The following MMP16 variants were observed in gnomAD, a reference collection of about 807,000 sequenced individuals.
MMP16 encodes the protein matrix metallopeptidase 16.
MMP16 carries 12 observed loss-of-function variants against 67.8 expected under a neutral mutation model. That is an observed-to-expected ratio of 0.18 (90% CI 0.11 to 0.29). The LOEUF (loss-of-function observed/expected upper bound fraction) is 0.29, where lower values mean the gene tolerates loss of function less well. Ranked by LOEUF, MMP16 falls within the 10% of genes least tolerant of loss-of-function variation. MMP16 has a pLI of 1.00. For synonymous variants in MMP16, 249 were observed against 255.9 expected (o/e 0.97, Z 0.26); for missense variants, 475 against 765.7 (o/e 0.62, Z 4.48).
chr8:88,250,552 A>G (rs1352977526), intron 1 of MMP16, among the ~76,000 whole-genome samples: 1 of 152,056 alleles, frequency 6.6e-6, no homozygotes, highest in Admixed American at 6.6e-5. Flanking sequence ...CTATTAAATC[A>G]GATTGTTTTG....
chr8:88,060,775 C>T (rs190895593), intron 7 of MMP16, among the ~76,000 whole-genome samples: 4 of 152,112 alleles, frequency 2.6e-5, no homozygotes, highest in East Asian at 1.9e-4. Context: ...ACATTATTTT[C>T]GTGTAGCACC....
intron 1 of MMP16, among the ~76,000 whole-genome samples, chr8:88,311,160 A>G (rs1811288287): frequency 1.3e-5 from 2 of 152,242 alleles, no homozygotes; most frequent in Admixed American, 6.6e-5. Context: ...GCTCACTAAT[A>G]TTTATTCTCG....
At chr8:88,116,808 A>G (rs896069477) in intron 5 of MMP16, 90 bp from the exon 6 acceptor site, 80 of 1,169,058 alleles carry the variant, frequency 6.8e-5, no homozygotes, top group Non-Finnish European at 9.5e-5. Context: ...TTATCAGCAG[A>G]AGGCACAGAC....
intron 2 of MMP16, among the ~76,000 whole-genome samples, chr8:88,189,878 A>G (rs1430428665): frequency 2.0e-5 from 3 of 152,156 alleles, no homozygotes; most frequent in African/African-American, 7.2e-5. Context: ...TCTACCACTG[A>G]CCTGTGAGTG....
chr8:88,268,837 T>A (rs4147333), intron 1 of MMP16, among the ~76,000 whole-genome samples: 2 of 145,262 alleles, frequency 1.4e-5, no homozygotes, highest in Non-Finnish European at 3.1e-5. Context: ...CTTTTTTTTT[T>A]AACTTTCTAT....
Position 88,034,079 on chromosome 8 carries a change from A to G in MMP16, c.*7382T>C, listed in dbSNP as rs1808021038. 1 of 151,990 alleles carries G rather than the reference A, an allele frequency of 6.6e-6. No individual in the cohort carries two copies. Among genetic ancestry groups the G allele is most frequent in the Non-Finnish European group, 1.5e-5 (1 of 67,938 alleles). The allele number at this position is 151,990 out of a possible 1,614,324, so 9.4% of individuals were successfully genotyped here. On this transcript the variant is annotated 3_prime_UTR_variant, in exon 10 of 10. Coordinates refer to ENST00000286614, the MANE Select transcript of MMP16 (RefSeq NM_005941.5). ...CTATAAAAAGTTAGAAAAGCCAATG[A>G]GAGAGGTTGGGATGTATGTCAACTT...
At chr8:88,313,216 TG>T (rs1212287122) in intron 1 of MMP16, among the ~76,000 whole-genome samples, 1 of 152,210 alleles carries the variant, frequency 6.6e-6, no homozygotes, top group Admixed American at 6.5e-5. Flanking sequence ...CTCCAGTTTT[TG>T]GGGGCAGCTT....
intron 4 of MMP16, among the ~76,000 whole-genome samples, chr8:88,124,833 G>A (rs1254903247): frequency 6.6e-6 from 1 of 151,926 alleles, no homozygotes; most frequent in Non-Finnish European, 1.5e-5. Context: ...GTCAGGTTCT[G>A]GCGAGGGCTC....
intron 1 of MMP16, among the ~76,000 whole-genome samples, chr8:88,263,728 C>T (rs1423398302): frequency 6.6e-6 from 1 of 152,064 alleles, no homozygotes; most frequent in Non-Finnish European, 1.5e-5. Context: ...ATTAGGCTCA[C>T]CCTAATCACT....
At chr8:88,241,254 T>C (rs1810029136) in intron 1 of MMP16, among the ~76,000 whole-genome samples, 1 of 152,146 alleles carries the variant, frequency 6.6e-6, no homozygotes, top group African/African-American at 2.4e-5. Context: ...AATTTCATTA[T>C]GATTTCTTTA....
At chr8:88,166,223 G>C (rs1808708381) in intron 4 of MMP16, among the ~76,000 whole-genome samples, 1 of 151,856 alleles carries the variant, frequency 6.6e-6, no homozygotes, top group Non-Finnish European at 1.5e-5. Context: ...AACTTATCAA[G>C]GTGAAATTAA....
In MMP16 at chr8:88,164,975, C is replaced by T. The variant is rs541539557; in HGVS notation, c.709+2694G>A. Among the ~76,000 whole-genome samples the T allele has an allele frequency of 1.6e-4, 25 of 151,806 alleles. No individual in the cohort carries two copies. In the South Asian group the frequency reaches 4.6e-3, roughly 28 times the overall value. On this transcript the variant is annotated intron_variant, in intron 4 of 9. Transcript: ENST00000286614. ...TTCTAAGCACTGATCACACTCAAATCAGTGTAAACATTATCACCTCTTGTC... is the reference window on the plus strand; with the variant it reads ...TTCTAAGCACTGATCACACTCAAATTAGTGTAAACATTATCACCTCTTGTC...
In MMP16 at chr8:88,035,927, T is replaced by C. The variant is rs1808048230; in HGVS notation, c.*5534A>G. The C allele has an allele frequency of 1.3e-5, 2 of 151,960 alleles. No individual in the cohort carries two copies. The highest frequency in any genetic ancestry group is 4.1e-4 in the South Asian group (2 of 4,836). 9.4% of individuals were successfully genotyped at this position (151,960 alleles called of 1,614,324 possible). On this transcript the variant is annotated 3_prime_UTR_variant, in exon 10 of 10. Coordinates refer to ENST00000286614, the MANE Select transcript of MMP16 (RefSeq NM_005941.5). This position sits in a 1 kb window ranked among gnomAD's most constrained non-coding sequence, Gnocchi z 4.7. The stretch of plus-strand genomic sequence containing the variant: ...TCTTACCTGAAATATTTCAGAATTG[T>C]TTCAAAATCACACCAGTGGAAAAAG...
At chr8:88,121,114 A>T (rs185353523) in intron 4 of MMP16, among the ~76,000 whole-genome samples, 209 of 151,402 alleles carry the variant, frequency 1.4e-3, no homozygotes, top group Admixed American at 2.6e-3. Context: ...AGAGGAATAC[A>T]AAAAGACAAA....
intron 3 of MMP16, among the ~76,000 whole-genome samples, chr8:88,169,819 A>C (rs1808770902): frequency 6.6e-6 from 1 of 152,262 alleles, no homozygotes; most frequent in South Asian, 2.1e-4. Context: ...GAAGGAGACC[A>C]AATAAGGTAG....
Position 88,064,113 on chromosome 8 carries a change from C to T in MMP16, c.1223-7835G>A, listed in dbSNP as rs550141792. Reference sequence around the variant, plus strand: ...GCAAACAGCCACACCTATTTATTTACATATTGTGTATGGCTGCTTTTACCT... The same window carrying T: ...GCAAACAGCCACACCTATTTATTTATATATTGTGTATGGCTGCTTTTACCT... On this transcript the variant is annotated intron_variant, in intron 7 of 9. Coordinates refer to ENST00000286614, the MANE Select transcript of MMP16 (RefSeq NM_005941.5). 2.6e-5 allele frequency among the ~76,000 whole-genome samples: 4 copies of T among 152,212 alleles called. No homozygotes were observed. In the South Asian group the frequency reaches 8.3e-4, roughly 32 times the overall value.
intron 3 of MMP16, among the ~76,000 whole-genome samples, chr8:88,175,793 T>C (rs985319469): frequency 4.6e-5 from 7 of 152,174 alleles, no homozygotes; most frequent in African/African-American, 7.2e-5. Context: ...TGGGAGGTAA[T>C]TGAATCATGG....
rs146470051 is a variant in MMP16, at chr8:88,118,160, T to C, written c.871+540A>G. On this transcript the variant is annotated intron_variant, in intron 5 of 9. Coordinates refer to ENST00000286614, the MANE Select transcript of MMP16 (RefSeq NM_005941.5). ...CTTGTTAATTTCACTCCCTTGTTTGTTAACTCTTACTCTAGGTCAATAAAT... is the reference window on the plus strand; with the variant it reads ...CTTGTTAATTTCACTCCCTTGTTTGCTAACTCTTACTCTAGGTCAATAAAT... Among the ~76,000 whole-genome samples the C allele has an allele frequency of 5.9e-5, 9 of 152,198 alleles. No homozygotes were observed. The East Asian group carries it at 1.7e-3, about 30-fold the overall frequency.
chr8:88,287,998 C>A (rs779413259), intron 1 of MMP16, among the ~76,000 whole-genome samples: 4 of 152,162 alleles, frequency 2.6e-5, no homozygotes, highest in Non-Finnish European at 4.4e-5. Flanking sequence ...TAAAGATACT[C>A]ATATATTTCA....
Sources: gnomAD v4.1 joint callset for allele counts (sites outside exome capture counted in the v4.1 genomes callset) on GRCh38, gnomAD v4.1.1 for gene constraint, Gnocchi (gnomAD v3.1) non-coding constraint, MANE v1.5 for transcripts, NCBI Gene and HGNC (gene_info 2026-07-23, HGNC 2026-07-21) for gene names.